KRTAP9-6: variants seen among roughly 807,000 people sequenced by gnomAD.
The protein encoded by KRTAP9-6 is keratin-associated protein 9-6.
KRTAP9-6 carries 5 observed loss-of-function variants against 11.3 expected under a neutral mutation model. The ratio of observed to expected loss-of-function variants is 0.44; its 90% CI spans 0.23 to 0.93. KRTAP9-6 has a LOEUF of 0.93. KRTAP9-6 is among the 40% of genes least tolerant of loss of function. KRTAP9-6 has a pLI of 0.23. For synonymous variants in KRTAP9-6, 37 were observed against 57.8 expected (o/e 0.64, Z 1.63); for missense variants, 81 against 159.6 (o/e 0.51, Z 2.65).
In KRTAP9-6 at chr17:41,265,778, A is replaced by T. The variant is rs146200773; in HGVS notation, c.401A>T (p.Gln134Leu). The T allele has an allele frequency of 4.9e-3, 3,605 of 737,636 alleles. 1,282 individuals carry two copies. The African/African-American group carries it at 0.058, about 12-fold the overall frequency. 45.7% of individuals were successfully genotyped at this position (737,636 alleles called of 1,614,324 possible). ...GTCTGCCTGCCTGGTTGCCTCAACC[A>T]GAGCTGTGGATCCAGCTGCTGCCAG... The change falls in exon 1 of 1, where the codon CAG (glutamine) becomes CTG (leucine). Residue 134 changes from glutamine (Q) to leucine (L), a missense_variant. Coordinates refer to ENST00000391355, the Ensembl canonical transcript of KRTAP9-6.
At chr17:41,265,431 C>A in the KRTAP9-6 span, 1 of 1,612,624 alleles carries the variant, frequency 6.2e-7, no homozygotes, top group Non-Finnish European at 8.5e-7. Flanking sequence ...GGACCACTTG[C>A]TGCAGGACTA....
chr17:41,265,463 T>A (rs751542872), exon 1 of KRTAP9-6: 75 of 1,612,404 alleles, frequency 4.7e-5, no homozygotes, highest in Middle Eastern at 3.9e-4. Context: ...CCCACCATTG[T>A]GACCACCTGC....
At chr17:41,265,666 G>A (rs2016462245) in exon 1 of KRTAP9-6, 3 of 1,250,164 alleles carry the variant, frequency 2.4e-6, no homozygotes, top group Admixed American at 2.5e-5. Context: ...CAGCTGCTGT[G>A]GCCAAACCAG....
exon 1 of KRTAP9-6, chr17:41,265,397 C>T (rs756183468): frequency 2.5e-6 from 4 of 1,611,832 alleles, no homozygotes; most frequent in East Asian, 2.2e-5. Context: ...TGTTGCTCCC[C>T]TGGCTGTCAG....
At chr17:41,265,452 G>A (rs769262272) in exon 1 of KRTAP9-6, 2 of 1,612,570 alleles carry the variant, frequency 1.2e-6, no homozygotes, top group Non-Finnish European at 1.7e-6. Context: ...CCTGCTGGCA[G>A]CCCACCATTG....
In KRTAP9-6 at chr17:41,265,442, C is replaced by T. The variant is rs2016452057; in HGVS notation, c.65C>T (p.Thr22Ile). 3.1e-6 allele frequency: 5 copies of T among 1,612,792 alleles called. No homozygotes were observed. The East Asian group carries it at 1.1e-4, about 36-fold the overall frequency. ...TGCAGGACCACTTGCTGCAGGACTA[C>T]CTGCTGGCAGCCCACCATTGTGACC... The change falls in exon 1 of 1, where the codon ACC becomes ATC. Residue 22 changes from threonine to isoleucine, a missense_variant. By Grantham distance (89) the Thr-to-Ile change is moderately conservative. Around this residue, in one of 2 missense-constraint regions of KRTAP9-6, gnomAD observed 47 missense variants for 60.1 expected, o/e 0.78. Transcript: ENST00000391355.
chr17:41,265,449 G>A, the KRTAP9-6 span: 5 of 1,612,504 alleles, frequency 3.1e-6, no homozygotes, highest in Non-Finnish European at 4.2e-6. Context: ...CTACCTGCTG[G>A]CAGCCCACCA....
At chr17:41,265,556 C>G in exon 1 of KRTAP9-6, 1 of 1,571,042 alleles carries the variant, frequency 6.4e-7, no homozygotes, top group Non-Finnish European at 8.7e-7. Flanking sequence ...TGTCAAAACA[C>G]CTGCTGCAGG....
exon 1 of KRTAP9-6, chr17:41,265,467 C>T: frequency 6.2e-7 from 1 of 1,612,556 alleles, no homozygotes; most frequent in South Asian, 1.1e-5. Context: ...CCATTGTGAC[C>T]ACCTGCAGCA....
At chr17:41,265,413 C>A (rs553697752) in exon 1 of KRTAP9-6, 4 of 1,612,222 alleles carry the variant, frequency 2.5e-6, no homozygotes, top group South Asian at 1.1e-5. Flanking sequence ...GTCAGCCTAC[C>A]TGCTGCAGGA....
chr17:41,265,394 C>A lies in KRTAP9-6; in HGVS notation c.17C>A (p.Ser6Tyr), dbSNP rs1208103322. 4 of 1,611,738 alleles carry A rather than the reference C, an allele frequency of 2.5e-6. No individual in the cohort carries two copies. In the African/African-American group the frequency reaches 4.0e-5, roughly 16 times the overall value. Residue 6 changes from serine (S) to tyrosine (Y), a missense_variant, in exon 1 of 1, where the codon TCC (serine) becomes TAC (tyrosine). Physicochemically the swap from Ser to Tyr is moderately radical, Grantham distance 144. Coordinates refer to ENST00000391355, the Ensembl canonical transcript of KRTAP9-6. ...CCTGACAACATGACCCACTGTTGCT[C>A]CCCTGGCTGTCAGCCTACCTGCTGC...
rs1341946480 is a variant in KRTAP9-6 at position 41,265,741 on chromosome 17, C to T, written c.364C>T (p.His122Tyr). ...TGTGTACTGCAGAAGAACCTGCTACCACCCCACGACTGTCTGCCTGCCTGG... is the reference window on the plus strand; with the variant it reads ...TGTGTACTGCAGAAGAACCTGCTACTACCCCACGACTGTCTGCCTGCCTGG... The change falls in exon 1 of 1, where the codon CAC (histidine) becomes TAC (tyrosine). Residue 122 changes from histidine (H) to tyrosine (Y), a missense_variant. His to Tyr is a moderately conservative substitution (Grantham distance 83). Around this residue, in one of 2 missense-constraint regions of KRTAP9-6, gnomAD observed 34 missense variants for 99.4 expected, o/e 0.34. Transcript: ENST00000391355. 8 of 738,754 alleles carry T rather than the reference C, an allele frequency of 1.1e-5. 3 individuals are homozygous for T. Among genetic ancestry groups the T allele is most frequent in the Non-Finnish European group, 1.5e-5 (8 of 542,272 alleles). The allele number at this position is 738,754 out of a possible 1,614,324, so 45.8% of individuals were successfully genotyped here. A position where few individuals can be genotyped will look rare whatever the true frequency, so the allele number is the denominator to read the frequency against.
At chr17:41,265,616 G>C (rs1412994135) in exon 1 of KRTAP9-6, 1 of 1,551,472 alleles carries the variant, frequency 6.4e-7, no homozygotes, top group Admixed American at 1.9e-5. Flanking sequence ...CAGCCTTCCT[G>C]CTGCAGCACA....
chr17:41,265,830 G>A, exon 1 of KRTAP9-6: 1 of 741,466 alleles, frequency 1.3e-6, no homozygotes, highest in East Asian at 3.9e-5. Flanking sequence ...CCTGCTGTGT[G>A]TCCAGCTGCT....
rs113939557 is a variant in KRTAP9-6, at chr17:41,265,788, A to C, written c.411A>C (p.Gly137=). 3.7e-5 allele frequency: 27 copies of C among 735,800 alleles called. 13 individuals carry two copies. In the Admixed American group the frequency reaches 1.4e-3, roughly 37 times the overall value. 45.6% of individuals were successfully genotyped at this position (735,800 alleles called of 1,614,324 possible). The change falls in exon 1 of 1, where the codon GGA becomes GGC. Residue 137 remains glycine (G), a synonymous_variant. Coordinates refer to ENST00000391355, the Ensembl canonical transcript of KRTAP9-6. ...CTGGTTGCCTCAACCAGAGCTGTGGATCCAGCTGCTGCCAGCCCTGCTACT... is the reference window on the plus strand; with the variant it reads ...CTGGTTGCCTCAACCAGAGCTGTGGCTCCAGCTGCTGCCAGCCCTGCTACT...
exon 1 of KRTAP9-6, chr17:41,265,488 C>T: frequency 6.2e-7 from 1 of 1,612,588 alleles, no homozygotes. Flanking sequence ...GCACACCCTG[C>T]TGCCAGCCCT....
At chr17:41,265,820 C>A (rs2016465339) in exon 1 of KRTAP9-6, 1 of 741,146 alleles carries the variant, frequency 1.3e-6, no homozygotes, top group African/African-American at 1.9e-5. Context: ...TACTGCCCAG[C>A]CTGCTGTGTG....
Sources: allele counts gnomAD v4.1 joint callset, GRCh38; gene constraint gnomAD v4.1.1; regional missense constraint gnomAD v4.1.1; transcripts MANE v1.5; gene names NCBI Gene and HGNC (gene_info 2026-07-23, HGNC 2026-07-21).